The following BIVM variants were observed in gnomAD, a reference collection of about 807,000 sequenced individuals.
BIVM encodes basic immunoglobulin-like variable motif-containing protein.
BIVM carries 31 observed loss-of-function variants against 61.4 expected under a neutral mutation model. The ratio of observed to expected loss-of-function variants is 0.51; its 90% CI spans 0.38 to 0.68. The LOEUF (loss-of-function observed/expected upper bound fraction) is 0.68, where lower values mean the gene tolerates loss of function less well. Among genes scored for constraint, BIVM ranks in the 30% least tolerant of loss-of-function variants. The pLI is 0.00. For synonymous variants in BIVM, 189 were observed against 210.7 expected, an observed-to-expected ratio of 0.90 and a Z score of 0.89; for missense variants, 526 against 596.0, an observed-to-expected ratio of 0.88 and a Z score of 1.22.
At chr13:102,837,239 C>T (rs1221721434) in intron 9 of BIVM, among the ~76,000 whole-genome samples, 1 of 152,118 alleles carries the variant, frequency 6.6e-6, no homozygotes, top group Admixed American at 6.6e-5. Context: ...GATTGCACCA[C>T]TGCACTCCTC....
intron 9 of BIVM, among the ~76,000 whole-genome samples, chr13:102,836,147 A>G (rs545089453): frequency 5.9e-5 from 9 of 152,128 alleles, no homozygotes; most frequent in African/African-American, 2.2e-4. Flanking sequence ...CTTCTGATGA[A>G]CAGAAGTTCT....
intron 4 of BIVM, 54 bp from the exon 5 acceptor site, chr13:102,820,983 G>C: frequency 2.0e-6 from 3 of 1,519,374 alleles, no homozygotes; most frequent in South Asian, 1.2e-5. Flanking sequence ...TCTATTTCTA[G>C]CATGCATATT....
intron 3 of BIVM, among the ~76,000 whole-genome samples, chr13:102,813,823 T>A (rs1204442454): frequency 6.6e-6 from 1 of 152,134 alleles, no homozygotes; most frequent in Non-Finnish European, 1.5e-5. Context: ...GTTGCTTGAA[T>A]TTGCTCCTTA....
intron 8 of BIVM, among the ~76,000 whole-genome samples, chr13:102,833,104 C>T (rs1161261463): frequency 6.6e-6 from 1 of 151,530 alleles, no homozygotes; most frequent in Non-Finnish European, 1.5e-5. Context: ...TAAAAAAATA[C>T]AAAAGTTAGC....
chr13:102,832,655 T>C, intron 8 of BIVM, among the ~76,000 whole-genome samples: 1 of 152,244 alleles, frequency 6.6e-6, no homozygotes, highest in African/African-American at 2.4e-5. Context: ...AGCATCTTCT[T>C]TTCTTAAAGT....
At chr13:102,827,984 CT>C (rs1473441706) in intron 7 of BIVM, among the ~76,000 whole-genome samples, 1 of 152,174 alleles carries the variant, frequency 6.6e-6, no homozygotes, top group African/African-American at 2.4e-5. Context: ...ACTTTTAAAT[CT>C]ATCTTCTCTT....
At position 102,807,800 on chromosome 13, in the gene BIVM, T is replaced by C. The variant is rs1469816469; in HGVS notation, c.478+55T>C. The C allele has an allele frequency of 1.3e-6, 2 of 1,500,516 alleles. No homozygotes were observed. The highest frequency in any genetic ancestry group is 1.8e-6 in the Non-Finnish European group (2 of 1,114,488). The allele number at this position is 1,500,516 out of a possible 1,614,324, so 93.0% of individuals were successfully genotyped here. ...GAAAATAATGAGAAAACAAACACTA[T>C]GTCTTGTTTAATCTTGCCATTACAC... On this transcript the variant is annotated intron_variant, in intron 3 of 10. Transcript: ENST00000257336. The surrounding 1 kb of genome is among the most constrained non-coding windows in gnomAD (Gnocchi z 4.0).
intron 1 of BIVM, among the ~76,000 whole-genome samples, chr13:102,804,437 AGTAGCTGTGATTACAGGTGCGC>A (rs1480423598): frequency 6.6e-6 from 1 of 152,204 alleles, no homozygotes; most frequent in African/African-American, 2.4e-5. Flanking sequence ...CAGCCTCGCA[AGTAGCTGTGATTACAGGTGCGC>A]GCCATCATGC....
chr13:102,799,626 G>A (rs139347644), intron 1 of BIVM, 105 bp downstream of exon 1: 1,642 of 152,362 alleles, frequency 0.011, 27 homozygotes, highest in African/African-American at 0.038. Context: ...GCCTGCTGCC[G>A]CTCTACGCGC....
intron 4 of BIVM, 55 bp from the exon 5 acceptor site, chr13:102,820,982 A>C: frequency 9.3e-5 from 134 of 1,439,914 alleles, no homozygotes; most frequent in Middle Eastern, 1.8e-4. Context: ...TTCTATTTCT[A>C]GCATGCATAT....
Position 102,821,805 on chromosome 13 carries a change from A to G in BIVM, c.764A>G (p.Asp255Gly). The G allele has an allele frequency of 6.2e-7, 1 of 1,614,060 alleles. No individual in the cohort carries two copies. Among genetic ancestry groups the G allele is most frequent in the Non-Finnish European group, 8.5e-7 (1 of 1,179,982 alleles). Residue 255 changes from aspartate (D) to glycine (G), a missense_variant, in exon 6 of 11, where the codon GAT (aspartate) becomes GGT (glycine). By Grantham distance (94) the Asp-to-Gly change is moderately conservative (BLOSUM62 -1). Coordinates refer to ENST00000257336, the MANE Select transcript of BIVM (RefSeq NM_017693.4). The stretch of plus-strand genomic sequence containing the variant: ...CTGGGCTTTCAACCTCCATTTGAAG[A>G]TATTAGGTTTGGTCCTTTCACGGGG... Reference protein sequence around the residue: ...HILGFQPPFEDIRFGPFTGNT... With the variant: ...HILGFQPPFEGIRFGPFTGNT...
chr13:102,831,985 C>CA (rs112012879), intron 8 of BIVM, among the ~76,000 whole-genome samples: 137,167 of 149,162 alleles, frequency 0.92, 64,051 homozygotes, highest in Non-Finnish European at 1. Flanking sequence ...GCAGAACTTG[C>CA]AAAAAAAAAA....
At chr13:102,813,338 A>C (rs1879628491) in intron 3 of BIVM, among the ~76,000 whole-genome samples, 1 of 152,098 alleles carries the variant, frequency 6.6e-6, no homozygotes, top group Non-Finnish European at 1.5e-5. Flanking sequence ...TCTGAAAGTT[A>C]CTTTGTTTGA....
At chr13:102,821,890 G>T (rs1412827503) in intron 6 of BIVM, 43 bp downstream of exon 6, 2 of 1,595,832 alleles carry the variant, frequency 1.3e-6, no homozygotes, top group Admixed American at 3.4e-5. Flanking sequence ...TTCTAGTTTT[G>T]CAAAATAATA....
chr13:102,832,812 A>G (rs1365756149), intron 8 of BIVM, among the ~76,000 whole-genome samples: 1 of 152,210 alleles, frequency 6.6e-6, no homozygotes, highest in Non-Finnish European at 1.5e-5. Context: ...TTTATTAACT[A>G]TATAACTTTA....
chr13:102,811,711 C>T (rs953146455), intron 3 of BIVM, among the ~76,000 whole-genome samples: 11 of 152,076 alleles, frequency 7.2e-5, no homozygotes, highest in East Asian at 1.9e-4. Context: ...TTAGTAGAGA[C>T]GGAGTTTCTC....
intron 3 of BIVM, among the ~76,000 whole-genome samples, chr13:102,815,649 G>A (rs1879817318): frequency 1.3e-5 from 2 of 152,092 alleles, no homozygotes; most frequent in Non-Finnish European, 2.9e-5. Context: ...AAATTAAAAA[G>A]TACAAATTCT....
intron 3 of BIVM, among the ~76,000 whole-genome samples, chr13:102,815,666 TA>T (rs1879819943): frequency 6.6e-6 from 1 of 152,226 alleles, no homozygotes; most frequent in African/African-American, 2.4e-5. Context: ...TTCTCACTCT[TA>T]CTTTTGGCTT....
At chr13:102,809,926 C>T (rs1483422921) in intron 3 of BIVM, among the ~76,000 whole-genome samples, 3 of 152,086 alleles carry the variant, frequency 2.0e-5, no homozygotes, top group African/African-American at 4.8e-5. Flanking sequence ...CCTGGGACTA[C>T]AGGCGCCTGT....
Sources: allele counts gnomAD v4.1 joint callset (sites outside exome capture counted in the v4.1 genomes callset), GRCh38; gene constraint gnomAD v4.1.1; non-coding constraint Gnocchi (gnomAD v3.1); transcripts MANE v1.5; gene names NCBI Gene and HGNC (gene_info 2026-07-23, HGNC 2026-07-21).